The following DCDC2C variants were observed in gnomAD, a reference collection of about 807,000 sequenced individuals.
DCDC2C encodes the protein doublecortin domain-containing protein 2C.
A neutral mutation model predicts 45.0 loss-of-function variants in DCDC2C; 44 were observed. The ratio of observed to expected loss-of-function variants is 0.98; its 90% CI spans 0.77 to 1.26. The LOEUF is 1.26. Ranked by LOEUF, DCDC2C falls within the 50% of genes most tolerant of loss-of-function variation. DCDC2C has a pLI of 0.00. For synonymous variants in DCDC2C, 187 were observed against 178.8 expected (o/e 1.05, Z -0.37); for missense variants, 447 against 468.9 (o/e 0.95, Z 0.43).
chr2:3,747,213 G>A (rs1669396435), intron 4 of DCDC2C, among the ~76,000 whole-genome samples: 1 of 152,208 alleles, frequency 6.6e-6, no homozygotes, highest in African/African-American at 2.4e-5. Flanking sequence ...CGGCCCCTCT[G>A]AGGCAGGAGC....
intron 4 of DCDC2C, among the ~76,000 whole-genome samples, chr2:3,748,085 A>G (rs1669426557): frequency 6.6e-6 from 1 of 152,114 alleles, no homozygotes; most frequent in African/African-American, 2.4e-5. Context: ...CTGGTGAGGG[A>G]GGGCAGGAGC....
At chr2:3,801,134 G>T (rs1671102365) in intron 10 of DCDC2C, among the ~76,000 whole-genome samples, 1 of 152,218 alleles carries the variant, frequency 6.6e-6, no homozygotes, top group Non-Finnish European at 1.5e-5. Context: ...TACATTCACA[G>T]AATGAAAACA....
chr2:3,820,704 G>A (rs974729120), intron 10 of DCDC2C, among the ~76,000 whole-genome samples: 5 of 152,170 alleles, frequency 3.3e-5, no homozygotes, highest in African/African-American at 9.7e-5. Context: ...TTGGAAGGAC[G>A]GGGAGATTGG....
chr2:3,812,812 AT>A (rs1260991924), intron 10 of DCDC2C, among the ~76,000 whole-genome samples: 1 of 151,880 alleles, frequency 6.6e-6, no homozygotes, highest in Non-Finnish European at 1.5e-5. Flanking sequence ...GAACTTCTTG[AT>A]TTCTGTCTCA....
intron 10 of DCDC2C, among the ~76,000 whole-genome samples, chr2:3,809,899 T>G (rs552973032): frequency 1.3e-5 from 2 of 152,348 alleles, no homozygotes; most frequent in Non-Finnish European, 2.9e-5. Flanking sequence ...CAGCTTCATC[T>G]ATGTCCCTGC....
At chr2:3,829,605 C>T (rs559632194) in intron 10 of DCDC2C, among the ~76,000 whole-genome samples, 76 of 152,294 alleles carry the variant, frequency 5.0e-4, no homozygotes, top group African/African-American at 1.8e-3. Flanking sequence ...CTTGTGATAA[C>T]AGCCTGCTCC....
rs1572541510 is a variant in DCDC2C, at chr2:3,703,960, A to G, written c.209A>G (p.His70Arg). 7.6e-6 allele frequency: 10 copies of G among 1,315,770 alleles called. No individual in the cohort carries two copies. In the East Asian group the frequency reaches 3.1e-4, roughly 41 times the overall value. The allele number at this position is 1,315,770 out of a possible 1,614,324, so 81.5% of individuals were successfully genotyped here. ...VRRLFTPTRG[H>R]RVLGLDALQA... ...CGCCTCTTCACGCCCACGCGTGGGC[A>G]CCGGGTGCTGGGGCTGGACGCGCTG... The change falls in exon 1 of 11, where the codon CAC becomes CGC. Residue 70 changes from histidine to arginine, a missense_variant. Physicochemically the swap from His to Arg is conservative, Grantham distance 29 (BLOSUM62 0). Coordinates refer to ENST00000399143, the MANE Select transcript of DCDC2C (RefSeq NM_001287444.2). This position sits in a 1 kb window ranked among gnomAD's most constrained non-coding sequence, Gnocchi z 4.4.
chr2:3,720,214 A>G (rs1008890784), intron 2 of DCDC2C, among the ~76,000 whole-genome samples: 2 of 152,206 alleles, frequency 1.3e-5, no homozygotes, highest in Non-Finnish European at 2.9e-5. Flanking sequence ...GTTGTTTAAG[A>G]ATCGTTGCCA....
chr2:3,824,755 A>T (rs1485536385), intron 10 of DCDC2C, among the ~76,000 whole-genome samples: 1 of 151,160 alleles, frequency 6.6e-6, no homozygotes, highest in African/African-American at 2.4e-5. Flanking sequence ...CTAGCTGTAG[A>T]CTTCTGATAC....
chr2:3,784,097 GAAATGC>G (rs1670584776), intron 9 of DCDC2C, among the ~76,000 whole-genome samples: 1 of 151,982 alleles, frequency 6.6e-6, no homozygotes, highest in Admixed American at 6.5e-5. Context: ...CCTAATTAAA[GAAATGC>G]AAATAATAAA....
At chr2:3,768,220 C>T (rs1670066714) in intron 7 of DCDC2C, among the ~76,000 whole-genome samples, 1 of 150,646 alleles carries the variant, frequency 6.6e-6, no homozygotes, top group East Asian at 1.9e-4. Context: ...GAAACATGAA[C>T]ATAAAAGCCA....
At chr2:3,709,290 A>C (rs962800033) in intron 2 of DCDC2C, among the ~76,000 whole-genome samples, 1 of 152,198 alleles carries the variant, frequency 6.6e-6, no homozygotes, top group African/African-American at 2.4e-5. Flanking sequence ...TGTAAAATGG[A>C]GATGATAATA....
At chr2:3,724,034 CTG>C (rs1223720985) in intron 2 of DCDC2C, among the ~76,000 whole-genome samples, 1 of 152,032 alleles carries the variant, frequency 6.6e-6, no homozygotes, top group Non-Finnish European at 1.5e-5. Context: ...ATATTTATTA[CTG>C]TGTTATAGGT....
At chr2:3,824,622 C>T (rs1160606199) in intron 10 of DCDC2C, among the ~76,000 whole-genome samples, 1 of 152,146 alleles carries the variant, frequency 6.6e-6, no homozygotes, top group Non-Finnish European at 1.5e-5. Context: ...TCATTACTTT[C>T]TGCTTAGGGT....
rs1278284341 is a variant in DCDC2C, at chr2:3,761,265, A to G, written c.727-6489A>G. Among the ~76,000 whole-genome samples the G allele has an allele frequency of 6.6e-6, 1 of 152,260 alleles. No homozygotes were observed. Among genetic ancestry groups the G allele is most frequent in the Non-Finnish European group, 1.5e-5 (1 of 68,042 alleles). ...TAAATAGTTAATAAGCATTGTATTT[A>G]TATCACATCTGCAATCAGAACATTA... On this transcript the variant is annotated intron_variant, in intron 6 of 10. Coordinates refer to ENST00000399143, the MANE Select transcript of DCDC2C (RefSeq NM_001287444.2). The surrounding 1 kb of genome is among the most constrained non-coding windows in gnomAD (Gnocchi z 4.3).
intron 2 of DCDC2C, among the ~76,000 whole-genome samples, chr2:3,725,589 G>T (rs1296993525): frequency 6.7e-6 from 1 of 148,184 alleles, no homozygotes; most frequent in Non-Finnish European, 1.5e-5. Flanking sequence ...CAGAGAGGGA[G>T]GAGGCTGCCA....
intron 3 of DCDC2C, among the ~76,000 whole-genome samples, chr2:3,728,267 A>C (rs1450836956): frequency 2.0e-5 from 3 of 152,212 alleles, no homozygotes; most frequent in African/African-American, 7.2e-5. Flanking sequence ...TTTTCCTGAA[A>C]ATCTGTGACC....
At chr2:3,729,458 T>C (rs1668795143) in intron 3 of DCDC2C, among the ~76,000 whole-genome samples, 1 of 152,178 alleles carries the variant, frequency 6.6e-6, no homozygotes, top group African/African-American at 2.4e-5. Context: ...TCCACTCTGA[T>C]TTGTGTGGAA....
intron 3 of DCDC2C, among the ~76,000 whole-genome samples, chr2:3,731,255 G>T (rs1432101740): frequency 2.0e-5 from 3 of 152,168 alleles, no homozygotes; most frequent in African/African-American, 7.2e-5. Context: ...ACTTAAGACG[G>T]CTTCCCATCC....
Sources: allele counts gnomAD v4.1 joint callset (sites outside exome capture counted in the v4.1 genomes callset), GRCh38; gene constraint gnomAD v4.1.1; non-coding constraint Gnocchi (gnomAD v3.1); transcripts MANE v1.5; gene names NCBI Gene and HGNC (gene_info 2026-07-23, HGNC 2026-07-21).